The following GPC5 variants were observed in gnomAD, a reference collection of about 807,000 sequenced individuals.
GPC5 encodes the protein glypican-5.
Under a neutral mutation model 53.9 loss-of-function variants are expected in GPC5, and 47 were observed. That is an observed-to-expected ratio of 0.87 (90% CI 0.69 to 1.11). The LOEUF is 1.11. Ranked by LOEUF, GPC5 falls within the 50% of genes most tolerant of loss-of-function variation. GPC5 has a pLI of 0.00. For missense variants in GPC5, 748 were observed against 713.1 expected, an observed-to-expected ratio of 1.05 and a Z score of -0.56; for synonymous variants, 286 against 263.3, an observed-to-expected ratio of 1.09 and a Z score of -0.84.
Position 92,390,779 on chromosome 13 carries a change from T to C in GPC5, c.1561+245790T>C, listed in dbSNP as rs1352940440. On this transcript the variant is annotated intron_variant, in intron 7 of 7. Coordinates refer to ENST00000377067, the MANE Select transcript of GPC5 (RefSeq NM_004466.6). The stretch of plus-strand genomic sequence containing the variant: ...ATGAATATGTGTTTTATCAAGTATA[T>C]ATAACTTTAACAAGGAAGTTTTATT... Among the ~76,000 whole-genome samples the C allele has an allele frequency of 2.6e-5, 4 of 152,328 alleles. No individual in the cohort carries two copies. The South Asian group carries it at 6.2e-4, about 24-fold the overall frequency.
intron 2 of GPC5, among the ~76,000 whole-genome samples, chr13:91,609,786 G>A (rs1436555554): frequency 6.6e-6 from 1 of 152,144 alleles, no homozygotes; most frequent in Non-Finnish European, 1.5e-5. Flanking sequence ...AGTAAACTTT[G>A]CTCACTGGGC....
intron 6 of GPC5, among the ~76,000 whole-genome samples, chr13:92,057,650 T>G (rs1594746983): frequency 6.6e-6 from 1 of 152,186 alleles, no homozygotes; most frequent in Non-Finnish European, 1.5e-5. Context: ...TATTTCTGTA[T>G]CTAGACATGT....
At chr13:91,685,797 G>C (rs961583096) in intron 2 of GPC5, among the ~76,000 whole-genome samples, 1 of 152,014 alleles carries the variant, frequency 6.6e-6, no homozygotes, top group African/African-American at 2.4e-5. Context: ...GCCATTGAAA[G>C]CCAAAAATAT....
chr13:91,432,656 T>C (rs1396991368), intron 1 of GPC5, among the ~76,000 whole-genome samples: 1 of 152,318 alleles, frequency 6.6e-6, no homozygotes. Flanking sequence ...AAATACTTAA[T>C]ACTTTTCTGA....
intron 7 of GPC5, among the ~76,000 whole-genome samples, chr13:92,355,999 T>C (rs149413860): frequency 5.1e-4 from 78 of 152,066 alleles, no homozygotes; most frequent in Non-Finnish European, 8.5e-4. Context: ...TTGACCCTCT[T>C]TCCCATCATC....
At chr13:92,166,059 C>T (rs529776701) in intron 7 of GPC5, among the ~76,000 whole-genome samples, 24 of 151,802 alleles carry the variant, frequency 1.6e-4, no homozygotes, top group Non-Finnish European at 2.4e-4. Context: ...TGTATGTGGG[C>T]GAAATAGAAA....
intron 7 of GPC5, among the ~76,000 whole-genome samples, chr13:92,331,885 T>G (rs1468272607): frequency 6.6e-6 from 1 of 152,110 alleles, no homozygotes; most frequent in East Asian, 1.9e-4. Flanking sequence ...GGCTCTTTAT[T>G]GTTATCATTT....
chr13:91,922,448 C>G (rs1210789027), intron 6 of GPC5, among the ~76,000 whole-genome samples: 1 of 152,150 alleles, frequency 6.6e-6, no homozygotes, highest in African/African-American at 2.4e-5. Flanking sequence ...ACACATACTC[C>G]TCACTCAATT....
At chr13:91,921,448 A>C (rs2039713373) in intron 6 of GPC5, among the ~76,000 whole-genome samples, 1 of 152,196 alleles carries the variant, frequency 6.6e-6, no homozygotes, top group South Asian at 2.1e-4. Context: ...AGCATTTGAC[A>C]GATCTGCTAG....
At chr13:92,694,177 C>T (rs1442973449) in intron 7 of GPC5, among the ~76,000 whole-genome samples, 1 of 152,200 alleles carries the variant, frequency 6.6e-6, no homozygotes, top group Non-Finnish European at 1.5e-5. Context: ...GATGTCCAGG[C>T]AGAAGTCTGC....
At chr13:91,620,708 T>G (rs2033830758) in intron 2 of GPC5, among the ~76,000 whole-genome samples, 2 of 152,182 alleles carry the variant, frequency 1.3e-5, no homozygotes, top group Admixed American at 6.5e-5. Context: ...CCAGGACTTT[T>G]TGCTAGTGAG....
intron 7 of GPC5, among the ~76,000 whole-genome samples, chr13:92,222,496 G>C (rs1219870048): frequency 1.3e-5 from 2 of 152,128 alleles, no homozygotes; most frequent in Non-Finnish European, 1.5e-5. Flanking sequence ...AAACTATCAG[G>C]AACATTAGAG....
chr13:91,455,180 G>GATC (rs10666146), intron 2 of GPC5, among the ~76,000 whole-genome samples: 76,425 of 151,522 alleles, frequency 0.5, 19,901 homozygotes, highest in Middle Eastern at 0.63. Context: ...GAACATTCTT[G>GATC]ATATCTCCGT....
At chr13:92,744,080 C>G (rs548739390) in intron 7 of GPC5, among the ~76,000 whole-genome samples, 5 of 152,060 alleles carry the variant, frequency 3.3e-5, no homozygotes, top group African/African-American at 1.2e-4. Context: ...ACCAAAAACC[C>G]AGGAAAGAGA....
intron 5 of GPC5, among the ~76,000 whole-genome samples, chr13:91,903,241 T>C (rs187759809): frequency 2.6e-4 from 40 of 152,222 alleles, no homozygotes; most frequent in Admixed American, 2.6e-3. Flanking sequence ...ATAAGATTTG[T>C]CAATCTTTTT....
intron 7 of GPC5, among the ~76,000 whole-genome samples, chr13:92,742,298 C>T (rs1223805759): frequency 1.3e-5 from 2 of 151,166 alleles, no homozygotes; most frequent in Non-Finnish European, 2.9e-5. Flanking sequence ...GAGATGGTAT[C>T]TCATTGTGGT....
chr13:91,870,917 G>T (rs1192873921), intron 5 of GPC5, among the ~76,000 whole-genome samples: 1 of 152,122 alleles, frequency 6.6e-6, no homozygotes, highest in East Asian at 1.9e-4. Context: ...TTAGGATTTT[G>T]GATATTTTCA....
chr13:92,000,500 T>C (rs1010290687), intron 6 of GPC5, among the ~76,000 whole-genome samples: 1 of 152,110 alleles, frequency 6.6e-6, no homozygotes, highest in African/African-American at 2.4e-5. Context: ...TTACAGTCAA[T>C]GTTTGGAAGG....
intron 7 of GPC5, among the ~76,000 whole-genome samples, chr13:92,752,891 A>G (rs1874642596): frequency 6.6e-6 from 1 of 152,120 alleles, no homozygotes; most frequent in African/African-American, 2.4e-5. Context: ...ATCAAACTGC[A>G]AGGCGGCAGT....
Sources: gnomAD v4.1 joint callset for allele counts (sites outside exome capture counted in the v4.1 genomes callset) on GRCh38, gnomAD v4.1.1 for gene constraint, MANE v1.5 for transcripts, NCBI Gene and HGNC (gene_info 2026-07-23, HGNC 2026-07-21) for gene names.